TBC1D31: variants seen among roughly 807,000 people sequenced by gnomAD.
TBC1D31 encodes WD repeat domain 67.
A neutral mutation model predicts 132.9 loss-of-function variants in TBC1D31; 99 were observed. The observed-to-expected ratio is 0.74, with a 90% CI of 0.63 to 0.88. TBC1D31 has a LOEUF of 0.88. TBC1D31 is among the 40% of genes least tolerant of loss of function. TBC1D31 has a pLI of 0.00. For synonymous variants in TBC1D31, 385 were observed against 419.4 expected, an observed-to-expected ratio of 0.92 and a Z score of 1.00; for missense variants, 1,134 against 1,256.6, an observed-to-expected ratio of 0.90 and a Z score of 1.48.
At chr8:123,158,750 C>T in the TBC1D31 span, among the ~76,000 whole-genome samples, 1 of 151,914 alleles carries the variant, frequency 6.6e-6, no homozygotes, top group African/African-American at 2.4e-5. Context: ...TGAGGATAGG[C>T]GAAGAGGAAT....
At chr8:123,157,186 G>T in the TBC1D31 span, among the ~76,000 whole-genome samples, 3 of 152,154 alleles carry the variant, frequency 2.0e-5, no homozygotes, top group Non-Finnish European at 2.9e-5. Context: ...AGCAAACAAC[G>T]CTTCTTTCCG....
intron 19 of TBC1D31, among the ~76,000 whole-genome samples, chr8:123,143,178 T>C (rs932841386): frequency 1.3e-5 from 2 of 152,204 alleles, no homozygotes; most frequent in African/African-American, 4.8e-5. Context: ...AGTGCGAATG[T>C]TCTGCCTCCC....
At chr8:123,141,540 A>G (rs1821667747) in intron 18 of TBC1D31, among the ~76,000 whole-genome samples, 1 of 144,008 alleles carries the variant, frequency 6.9e-6, no homozygotes, top group Admixed American at 6.9e-5. Flanking sequence ...GAGACTTTCA[A>G]AGAAGAGCTT....
chr8:123,100,768 A>C (rs767231526), intron 6 of TBC1D31, 39 bp from the exon 7 acceptor site: 1 of 1,504,320 alleles, frequency 6.6e-7, no homozygotes, highest in South Asian at 1.1e-5. Flanking sequence ...GACATTGACT[A>C]TCACATGTTT....
chr8:123,156,452 A>C (rs918126854), downstream of TBC1D31, among the ~76,000 whole-genome samples: 2 of 151,940 alleles, frequency 1.3e-5, no homozygotes, highest in Non-Finnish European at 2.9e-5. Flanking sequence ...AAAAAAAAAA[A>C]AAAAAAAATA....
rs16893039 is a variant in TBC1D31, at chr8:123,128,226, C to T, written c.1885-55C>T. 1,318 of 871,874 alleles carry T rather than the reference C, an allele frequency of 1.5e-3. 11 individuals are homozygous for T. In the African/African-American group the frequency reaches 0.02, roughly 13 times the overall value. 54.0% of individuals were successfully genotyped at this position (871,874 alleles called of 1,614,324 possible). A position where few individuals can be genotyped will look rare whatever the true frequency, so the allele number is the denominator to read the frequency against. ...TTTTTAAATTCTTGTTTTAATTCTA[C>T]CTCATAATTGCTTTGTCAGGTAAAT... On this transcript the variant is annotated intron_variant, in intron 13 of 21. Coordinates refer to ENST00000287380, the MANE Select transcript of TBC1D31 (RefSeq NM_145647.4).
chr8:123,158,018 C>CT, the TBC1D31 span, among the ~76,000 whole-genome samples: 4,064 of 117,638 alleles, frequency 0.035, 189 homozygotes, highest in African/African-American at 0.11. Context: ...TTTTTTCTTC[C>CT]TTTTTTTTTT....
the TBC1D31 span, among the ~76,000 whole-genome samples, chr8:123,159,357 G>A: frequency 6.6e-6 from 1 of 151,942 alleles, no homozygotes; most frequent in African/African-American, 2.4e-5. Context: ...ATAATGGTCT[G>A]TCCAGGCTGT....
chr8:123,114,065 T>A (rs1290129046), intron 10 of TBC1D31, among the ~76,000 whole-genome samples: 1 of 152,080 alleles, frequency 6.6e-6, no homozygotes, highest in Admixed American at 6.6e-5. Context: ...AAATCATCCC[T>A]CCCCCACTTT....
At chr8:123,073,464 G>T (rs1462014172) in intron 1 of TBC1D31, 5 of 453,382 alleles carry the variant, frequency 1.1e-5, no homozygotes, top group African/African-American at 6.0e-5. Flanking sequence ...ATTATGCATT[G>T]CTGGGGGGCT....
At chr8:123,150,816 G>C (rs560409761) in intron 21 of TBC1D31, among the ~76,000 whole-genome samples, 1 of 152,284 alleles carries the variant, frequency 6.6e-6, no homozygotes, top group Admixed American at 6.5e-5. Flanking sequence ...GGGAGGAGGA[G>C]AAAAGACACT....
intron 20 of TBC1D31, among the ~76,000 whole-genome samples, chr8:123,148,398 A>G (rs761679839): frequency 5.3e-5 from 8 of 152,118 alleles, no homozygotes; most frequent in Non-Finnish European, 1.0e-4. Context: ...GATGAATTGA[A>G]CAGGAGTGGG....
chr8:123,100,581 C>CAAA (rs1042631417), intron 6 of TBC1D31, among the ~76,000 whole-genome samples: 1 of 150,152 alleles, frequency 6.7e-6, no homozygotes, highest in Non-Finnish European at 1.5e-5. Flanking sequence ...CATCTCAAAA[C>CAAA]AATAATAATA....
At chr8:123,157,359 C>T in the TBC1D31 span, among the ~76,000 whole-genome samples, 1 of 152,140 alleles carries the variant, frequency 6.6e-6, no homozygotes, top group Non-Finnish European at 1.5e-5. Flanking sequence ...GTCTGCTGCG[C>T]ATGCCCACTT....
intron 16 of TBC1D31, among the ~76,000 whole-genome samples, chr8:123,131,700 A>G (rs1008416773): frequency 6.6e-6 from 1 of 152,200 alleles, no homozygotes. Context: ...ACTTGCACAC[A>G]TACTTTTGTT....
intron 20 of TBC1D31, among the ~76,000 whole-genome samples, chr8:123,149,388 G>A (rs151034824): frequency 7.9e-4 from 121 of 152,302 alleles, no homozygotes; most frequent in African/African-American, 2.8e-3. Flanking sequence ...TTCTGGGCTC[G>A]ACACATGGAG....
chr8:123,093,711 A>T lies in TBC1D31; in HGVS notation c.640A>T (p.Ser214Cys), dbSNP rs148998681. 135 of 1,609,064 alleles carry T rather than the reference A, an allele frequency of 8.4e-5. No homozygotes were observed. The highest frequency in any genetic ancestry group is 1.1e-4 in the Non-Finnish European group (128 of 1,176,670). Residue 214 changes from serine (S) to cysteine (C), a missense_variant, in exon 5 of 22, where the codon AGT becomes TGT. Transcript: ENST00000287380. ...ATTGCCAGCTCCACCTGAAAGCTCT[A>T]GTATATTATACAAAGTGTTTGCTGT... ...YQLPAPPESS[S>C]ILYKVFAVTR... is the part of the protein sequence containing the mutation.
chr8:123,086,643 G>A (rs1815783605), intron 4 of TBC1D31, among the ~76,000 whole-genome samples: 1 of 151,882 alleles, frequency 6.6e-6, no homozygotes, highest in African/African-American at 2.4e-5. Flanking sequence ...AAGGGAGCTG[G>A]CACTTTGTGT....
At chr8:123,085,186 TA>T (rs950121248) in intron 4 of TBC1D31, among the ~76,000 whole-genome samples, 23 of 152,228 alleles carry the variant, frequency 1.5e-4, no homozygotes, top group Admixed American at 4.6e-4. Flanking sequence ...TTTGTTGATT[TA>T]AAATTTATAT....
Sources: allele counts gnomAD v4.1 joint callset (sites outside exome capture counted in the v4.1 genomes callset), GRCh38; gene constraint gnomAD v4.1.1; transcripts MANE v1.5; gene names NCBI Gene and HGNC (gene_info 2026-07-23, HGNC 2026-07-21).